The following CFAP57 variants were observed in gnomAD, a reference collection of about 807,000 sequenced individuals.
CFAP57 encodes cilia- and flagella-associated protein 57.
Under a neutral mutation model 146.8 loss-of-function variants are expected in CFAP57, and 116 were observed. The observed-to-expected ratio is 0.79, with a 90% confidence interval of 0.68 to 0.92. The LOEUF (loss-of-function observed/expected upper bound fraction) is 0.92. CFAP57 is among the 40% of genes least tolerant of loss of function. The probability of loss-of-function intolerance (pLI) is 0.00; values close to 1 mark genes in which losing one functional copy is unlikely to be tolerated. For missense variants in CFAP57, 1,377 were observed against 1,527.2 expected (o/e 0.90, Z 1.64); for synonymous variants, 518 against 552.8 (o/e 0.94, Z 0.88).
chr1:43,174,676 C>T (rs1432130717), intron 2 of CFAP57, among the ~76,000 whole-genome samples: 3 of 152,164 alleles, frequency 2.0e-5, no homozygotes, highest in Non-Finnish European at 2.9e-5. Flanking sequence ...ATCAGCTGGG[C>T]GTGGTGGCAC....
rs1035193103 is a variant in CFAP57 at position 43,174,429 on chromosome 1, A to G, written c.157+1519A>G. On this transcript the variant is annotated intron_variant, in intron 2 of 22. Transcript: ENST00000372492. ...TTATGCAGAGACTTCTACATAGACTATCATGTTATCTACAAATAACGATGA... is the reference window on the plus strand; with the variant it reads ...TTATGCAGAGACTTCTACATAGACTGTCATGTTATCTACAAATAACGATGA... 6.6e-5 allele frequency among the ~76,000 whole-genome samples: 10 copies of G among 152,362 alleles called. No individual in the cohort carries two copies. In the East Asian group the frequency reaches 7.7e-4, roughly 12 times the overall value.
At position 43,226,973 on chromosome 1, in the gene CFAP57, T is replaced by G. The variant is rs1202248171; in HGVS notation, c.2866-10T>G. ...CAATATCTCTCACTTCTCTCTCATC[T>G]CACCCCCAGGAGAAGCGAATTTATG... On this transcript the variant is annotated splice_polypyrimidine_tract_variant and intron_variant, in intron 17 of 22. Transcript: ENST00000372492. 6.7e-7 allele frequency: 1 copy of G among 1,496,882 alleles called. No homozygotes were observed. Among genetic ancestry groups the G allele is most frequent in the Non-Finnish European group, 8.9e-7 (1 of 1,123,542 alleles). The allele number at this position is 1,496,882 out of a possible 1,614,324, so 92.7% of individuals were successfully genotyped here.
intron 2 of CFAP57, among the ~76,000 whole-genome samples, chr1:43,173,498 A>G (rs1645056453): frequency 6.6e-6 from 1 of 152,242 alleles, no homozygotes; most frequent in Non-Finnish European, 1.5e-5. Context: ...AAAGAATTAC[A>G]ATAGAATGTA....
intron 9 of CFAP57, among the ~76,000 whole-genome samples, chr1:43,205,416 A>G (rs1266522332): frequency 1.3e-5 from 2 of 152,134 alleles, no homozygotes; most frequent in Non-Finnish European, 2.9e-5. Flanking sequence ...TGGGGCGGGG[A>G]CCTGCTTTTC....
At chr1:43,253,843 C>A in intron 22 of CFAP57, 134 bp from the exon 23 acceptor site, 1 of 754,712 alleles carries the variant, frequency 1.3e-6, no homozygotes, top group Non-Finnish European at 2.2e-6. Flanking sequence ...ATCACTGTAC[C>A]TCCAGCATCT....
At chr1:43,226,940 G>A in intron 17 of CFAP57, 43 bp from the exon 18 acceptor site, 1 of 1,463,778 alleles carries the variant, frequency 6.8e-7, no homozygotes, top group South Asian at 1.5e-5. Context: ...CAGTATACCA[G>A]GGCCTTACAA....
intron 15 of CFAP57, 87 bp downstream of exon 15, chr1:43,222,382 C>A (rs1163680464): frequency 1.6e-6 from 2 of 1,226,492 alleles, no homozygotes; most frequent in Non-Finnish European, 2.1e-6. Context: ...CCACTGTATG[C>A]CAGGATGTGT....
intron 6 of CFAP57, among the ~76,000 whole-genome samples, chr1:43,187,612 A>C (rs1643225341): frequency 6.6e-6 from 1 of 152,006 alleles, no homozygotes; most frequent in Admixed American, 6.6e-5. Context: ...TCAAAAAAAA[A>C]AAAAGCGCAT....
chr1:43,212,662 G>A (rs929956664), intron 11 of CFAP57, among the ~76,000 whole-genome samples: 25 of 150,822 alleles, frequency 1.7e-4, no homozygotes, highest in Admixed American at 1.5e-3. Flanking sequence ...GACCTGGCAC[G>A]TGGGTCATGC....
chr1:43,186,630 A>AAAAAAAAC (rs1643133140), intron 5 of CFAP57, 77 bp from the exon 6 acceptor site: 1 of 1,290,244 alleles, frequency 7.8e-7, no homozygotes, highest in African/African-American at 1.5e-5. Context: ...AAAAAAAAAA[A>AAAAAAAAC]AAAGAAAACT....
chr1:43,243,454 G>T, intron 22 of CFAP57, 95 bp downstream of exon 22: 2 of 1,345,076 alleles, frequency 1.5e-6, no homozygotes, highest in Non-Finnish European at 1.9e-6. Context: ...TCTGTATCAG[G>T]TCCCATCTAC....
chr1:43,176,918 G>A (rs1645195055), intron 2 of CFAP57, among the ~76,000 whole-genome samples: 1 of 152,066 alleles, frequency 6.6e-6, no homozygotes, highest in African/African-American at 2.4e-5. Context: ...TTAGGAGGGT[G>A]CTTATTGTGT....
intron 13 of CFAP57, 85 bp from the exon 14 acceptor site, chr1:43,221,285 AGG>A: frequency 2.2e-6 from 2 of 892,088 alleles, no homozygotes; most frequent in Non-Finnish European, 3.3e-6. Context: ...TTGTGAGTGA[AGG>A]AGGGTGTTAC....
intron 13 of CFAP57, 97 bp from the exon 14 acceptor site, chr1:43,221,271 ATGTT>A (rs1645034406): frequency 1.3e-6 from 1 of 762,830 alleles, no homozygotes; most frequent in East Asian, 2.9e-5. Context: ...GGCTTGAGAA[ATGTT>A]TGTGAGTGAA....
At chr1:43,175,198 A>G (rs541323693) in intron 2 of CFAP57, among the ~76,000 whole-genome samples, 1 of 152,120 alleles carries the variant, frequency 6.6e-6, no homozygotes, top group African/African-American at 2.4e-5. Flanking sequence ...TGGATGTTTA[A>G]TATCTTCTCT....
At chr1:43,202,374 A>G (rs901681402) in intron 9 of CFAP57, among the ~76,000 whole-genome samples, 1 of 152,206 alleles carries the variant, frequency 6.6e-6, no homozygotes, top group African/African-American at 2.4e-5. Context: ...GAAAACACGA[A>G]ATAGACAAAC....
intron 14 of CFAP57, among the ~76,000 whole-genome samples, 164 bp from the exon 15 acceptor site, chr1:43,221,941 T>C (rs1378532390): frequency 6.6e-6 from 1 of 152,082 alleles, no homozygotes; most frequent in African/African-American, 2.4e-5. Flanking sequence ...GATGATGGGA[T>C]GAGGGGTTGG....
chr1:43,251,966 A>G (rs1646335293), intron 22 of CFAP57, among the ~76,000 whole-genome samples: 1 of 152,254 alleles, frequency 6.6e-6, no homozygotes, highest in African/African-American at 2.4e-5. Flanking sequence ...GGATTGAGAA[A>G]TTGAATGGAA....
At chr1:43,251,415 G>C (rs186102717) in intron 22 of CFAP57, among the ~76,000 whole-genome samples, 1 of 152,346 alleles carries the variant, frequency 6.6e-6, no homozygotes, top group East Asian at 1.9e-4. Flanking sequence ...GTGATCTGGT[G>C]AGTTTCAGTT....
Sources: allele counts gnomAD v4.1 joint callset (sites outside exome capture counted in the v4.1 genomes callset), GRCh38; gene constraint gnomAD v4.1.1; transcripts MANE v1.5; gene names NCBI Gene and HGNC (gene_info 2026-07-23, HGNC 2026-07-21).